TP63: variants seen among roughly 807,000 people sequenced by gnomAD.
The protein encoded by TP63 is tumor protein 63.
TP63 carries 17 observed loss-of-function variants against 82.8 expected under a neutral mutation model. That is an observed-to-expected ratio of 0.21 (90% CI 0.14 to 0.31). The LOEUF is 0.31. TP63 is among the 10% of genes least tolerant of loss of function. The pLI is 1.00. For missense variants in TP63, 648 were observed against 895.3 expected (o/e 0.72, Z 3.52); for synonymous variants, 330 against 321.7 (o/e 1.03, Z -0.28).
intron 1 of TP63, among the ~76,000 whole-genome samples, chr3:189,717,012 G>C (rs2108762899): frequency 6.6e-6 from 1 of 152,220 alleles, no homozygotes; most frequent in East Asian, 1.9e-4. Flanking sequence ...TGACCAGGCT[G>C]GTCTAGAACT....
chr3:189,884,931 C>T (rs912158414), intron 10 of TP63, among the ~76,000 whole-genome samples: 6 of 152,136 alleles, frequency 3.9e-5, no homozygotes, highest in African/African-American at 1.2e-4. Flanking sequence ...ACCATCCCTA[C>T]GATTGCAGCA....
the TP63 span, among the ~76,000 whole-genome samples, chr3:189,601,117 T>C: frequency 6.6e-6 from 1 of 152,364 alleles, no homozygotes; most frequent in Admixed American, 6.5e-5. Flanking sequence ...GTTGATGTTT[T>C]AAAGCCTTCT....
At chr3:189,642,358 G>A (rs1466121903) in intron 1 of TP63, among the ~76,000 whole-genome samples, 2 of 152,090 alleles carry the variant, frequency 1.3e-5, no homozygotes, top group Non-Finnish European at 1.5e-5. Flanking sequence ...CTATGTTCCA[G>A]GAACTGTTCC....
intron 1 of TP63, among the ~76,000 whole-genome samples, chr3:189,681,419 T>A (rs1577229717): frequency 6.6e-6 from 1 of 152,306 alleles, no homozygotes. Context: ...TATTAAAATG[T>A]CTAACATATC....
chr3:189,799,411 G>T (rs1417028007), intron 3 of TP63, among the ~76,000 whole-genome samples: 2 of 151,998 alleles, frequency 1.3e-5, no homozygotes, highest in East Asian at 3.9e-4. Flanking sequence ...ATTTGGCCAT[G>T]TGCTCCATCA....
intron 1 of TP63, among the ~76,000 whole-genome samples, chr3:189,700,000 G>A (rs1295227643): frequency 6.6e-6 from 1 of 152,170 alleles, no homozygotes; most frequent in Non-Finnish European, 1.5e-5. Flanking sequence ...GCTGTTTGGT[G>A]ACTGGGGAAC....
chr3:189,751,272 A>G (rs763861735), intron 3 of TP63, among the ~76,000 whole-genome samples: 7 of 152,224 alleles, frequency 4.6e-5, no homozygotes, highest in Non-Finnish European at 7.3e-5. Flanking sequence ...TAGTGCCGCA[A>G]TAAACATACG....
intron 4 of TP63, among the ~76,000 whole-genome samples, chr3:189,827,715 G>A (rs1711622713): frequency 6.6e-6 from 1 of 152,190 alleles, no homozygotes; most frequent in Non-Finnish European, 1.5e-5. Flanking sequence ...GCAGGAACAG[G>A]AGTAGCAGGA....
chr3:189,834,765 A>G (rs1712874316), intron 4 of TP63, among the ~76,000 whole-genome samples: 1 of 152,178 alleles, frequency 6.6e-6, no homozygotes, highest in Non-Finnish European at 1.5e-5. Context: ...TAAGAAGCAC[A>G]ATTCTTAAAT....
intron 1 of TP63, among the ~76,000 whole-genome samples, chr3:189,632,698 G>A (rs1371866769): frequency 1.3e-5 from 2 of 152,100 alleles, no homozygotes; most frequent in African/African-American, 2.4e-5. Flanking sequence ...GAATTTGTTG[G>A]TGGTGGCTTG....
At chr3:189,779,535 C>T (rs1576937591) in intron 3 of TP63, among the ~76,000 whole-genome samples, 2 of 152,158 alleles carry the variant, frequency 1.3e-5, no homozygotes, top group East Asian at 3.9e-4. Flanking sequence ...CTCAATTTCC[C>T]TTGCAGAGCA....
At position 189,637,800 on chromosome 3, in the gene TP63, C is replaced by A. The variant is rs144331290; in HGVS notation, c.62+6223C>A. Among the ~76,000 whole-genome samples the A allele has an allele frequency of 7.0e-4, 106 of 152,106 alleles. 2 individuals carry two copies. In the East Asian group the frequency reaches 0.017, roughly 24 times the overall value. ...GAATATGTTATGTTACACAGCAAAG[C>A]AGAATTAAGGTTGTAGATGGAATTA... On this transcript the variant is annotated intron_variant, in intron 1 of 13. Transcript: ENST00000264731.
intron 1 of TP63, among the ~76,000 whole-genome samples, chr3:189,735,753 A>G (rs74842632): frequency 0.12 from 18,304 of 152,234 alleles, 1,164 homozygotes; most frequent in Non-Finnish European, 0.13. Context: ...TATAAAGCAT[A>G]GTCTGACTGT....
At chr3:189,629,036 G>A (rs1029913136), upstream of TP63, among the ~76,000 whole-genome samples, 4 of 151,964 alleles carry the variant, frequency 2.6e-5, no homozygotes, top group African/African-American at 7.3e-5. Flanking sequence ...CATGACATAC[G>A]TTTAAATGAT....
chr3:189,628,288 G>A (rs1729364105), upstream of TP63, among the ~76,000 whole-genome samples: 1 of 152,122 alleles, frequency 6.6e-6, no homozygotes, highest in African/African-American at 2.4e-5. Context: ...CATTCCTGGT[G>A]GAGGGCAGAA....
intron 4 of TP63, among the ~76,000 whole-genome samples, chr3:189,834,504 C>G (rs975396659): frequency 4.6e-5 from 7 of 152,138 alleles, no homozygotes; most frequent in Non-Finnish European, 1.0e-4. Context: ...AAGTCTATAT[C>G]AGGAATTTTC....
At chr3:189,844,763 C>T (rs979959697) in intron 4 of TP63, among the ~76,000 whole-genome samples, 3 of 152,104 alleles carry the variant, frequency 2.0e-5, no homozygotes, top group Non-Finnish European at 2.9e-5. Context: ...TGTGTCTCAG[C>T]GCTAAGGGTC....
At chr3:189,785,030 C>T (rs550690081) in intron 3 of TP63, among the ~76,000 whole-genome samples, 5 of 152,130 alleles carry the variant, frequency 3.3e-5, no homozygotes, top group Admixed American at 2.0e-4. Flanking sequence ...TTAGCTTTCA[C>T]GCATGTTCTA....
rs188836568 is a variant in TP63, at chr3:189,883,953, A to G, written c.1350-2441A>G. Among the ~76,000 whole-genome samples, 1,307 of 152,180 alleles carry G rather than the reference A, an allele frequency of 8.6e-3. 21 individuals carry two copies. Among genetic ancestry groups the G allele is most frequent in the Non-Finnish European group, 8.5e-3 (579 of 67,986 alleles). On this transcript the variant is annotated intron_variant, in intron 10 of 13. Coordinates refer to ENST00000264731, the MANE Select transcript of TP63 (RefSeq NM_003722.5). ...GAGCGTCCAGAAAAAAAAAAAAGCA[A>G]AACTTTTAAATGTATTTTTATTTTT...
Sources: allele counts gnomAD v4.1 joint callset (sites outside exome capture counted in the v4.1 genomes callset), GRCh38; gene constraint gnomAD v4.1.1; transcripts MANE v1.5; gene names NCBI Gene and HGNC (gene_info 2026-07-23, HGNC 2026-07-21).